The following HTR4 variants were observed in gnomAD, a reference collection of about 807,000 sequenced individuals.
HTR4 encodes the protein 5-hydroxytryptamine (serotonin) receptor 4, G protein-coupled.
A neutral mutation model predicts 36.8 loss-of-function variants in HTR4; 16 were observed. The ratio of observed to expected loss-of-function variants is 0.43; its 90% confidence interval spans 0.29 to 0.66. The LOEUF (loss-of-function observed/expected upper bound fraction) is 0.66. Among genes scored for constraint, HTR4 ranks in the 30% least tolerant of loss-of-function variants. The pLI is 0.13. For missense variants in HTR4, 438 were observed against 490.9 expected (o/e 0.89, Z 1.02); for synonymous variants, 189 against 185.1 (o/e 1.02, Z -0.17).
chr5:148,505,607 T>C (rs2113762771), intron 6 of HTR4, among the ~76,000 whole-genome samples: 1 of 152,332 alleles, frequency 6.6e-6, no homozygotes, highest in South Asian at 2.1e-4. Context: ...ATGACATGAC[T>C]GTATATTTAG....
chr5:148,626,235 C>T (rs549702600), intron 2 of HTR4, among the ~76,000 whole-genome samples: 6 of 152,328 alleles, frequency 3.9e-5, no homozygotes, highest in African/African-American at 1.4e-4. Context: ...TTTTGCAAAA[C>T]TTCTGTCAGT....
intron 2 of HTR4, among the ~76,000 whole-genome samples, chr5:148,584,784 T>C (rs1299759276): frequency 2.0e-5 from 3 of 152,200 alleles, no homozygotes; most frequent in Admixed American, 6.5e-5. Context: ...GACTTGTTTT[T>C]CTGAGTAAAT....
At chr5:148,517,660 T>C (rs1004285291) in intron 5 of HTR4, among the ~76,000 whole-genome samples, 3 of 152,066 alleles carry the variant, frequency 2.0e-5, no homozygotes, top group Admixed American at 1.3e-4. Context: ...ATCCTGTTGG[T>C]TAAATCCTCA....
chr5:148,647,557 A>G (rs1486291956), intron 1 of HTR4, among the ~76,000 whole-genome samples: 4 of 152,110 alleles, frequency 2.6e-5, no homozygotes, highest in Admixed American at 1.3e-4. Context: ...GTGGTTAATA[A>G]GGTGGTTAGG....
At chr5:148,610,612 C>T (rs1297070502) in intron 2 of HTR4, among the ~76,000 whole-genome samples, 1 of 152,124 alleles carries the variant, frequency 6.6e-6, no homozygotes, top group Non-Finnish European at 1.5e-5. Flanking sequence ...CTCTAAAAAT[C>T]AGAGTGCCTC....
intron 5 of HTR4, among the ~76,000 whole-genome samples, chr5:148,455,337 C>G (rs181204936): frequency 3.9e-5 from 6 of 152,088 alleles, no homozygotes; most frequent in Non-Finnish European, 8.8e-5. Context: ...ACACTGAGTT[C>G]GCATGAAAAA....
At chr5:148,623,041 G>A (rs1266049409) in intron 2 of HTR4, among the ~76,000 whole-genome samples, 1 of 152,134 alleles carries the variant, frequency 6.6e-6, no homozygotes, top group African/African-American at 2.4e-5. Flanking sequence ...AGTTGTAAAT[G>A]TGAATGAGAA....
chr5:148,614,867 A>G (rs376964742), intron 2 of HTR4, among the ~76,000 whole-genome samples: 67 of 152,336 alleles, frequency 4.4e-4, no homozygotes, highest in African/African-American at 1.3e-3. Context: ...AAAAGTGGGC[A>G]AAGGACATGA....
At position 148,540,392 on chromosome 5, in the gene HTR4, A is replaced by ATG. The variant is rs756015767; in HGVS notation, c.353+8274_353+8275dup. 4.5e-3 allele frequency among the ~76,000 whole-genome samples: 237 copies of ATG among 52,890 alleles called. 2 individuals carry two copies. Among genetic ancestry groups the ATG allele is most frequent in the Middle Eastern group, 0.025 (3 of 118 alleles). 34.7% of individuals were successfully genotyped at this position (52,890 alleles called of 152,430 possible). On this transcript the variant is annotated intron_variant, in intron 4 of 6. Coordinates refer to ENST00000377888, the MANE Select transcript of HTR4 (RefSeq NM_000870.7). ...AAAATAAAATTTTAGGTTTTATTTT[A>ATG]TGTGTGTGTATATATATATATATAT...
intron 1 of HTR4, among the ~76,000 whole-genome samples, chr5:148,647,467 G>A (rs1753906323): frequency 6.6e-6 from 1 of 152,116 alleles, no homozygotes; most frequent in Admixed American, 6.5e-5. Flanking sequence ...AGATGACCTG[G>A]GCACTGGACA....
chr5:148,467,576 G>A (rs990785479), intron 5 of HTR4, among the ~76,000 whole-genome samples: 6 of 152,118 alleles, frequency 3.9e-5, no homozygotes, highest in African/African-American at 1.4e-4. Context: ...AATGATAAAT[G>A]TGATTAATGT....
At chr5:148,649,879 G>T (rs567133100) in intron 1 of HTR4, among the ~76,000 whole-genome samples, 11 of 152,042 alleles carry the variant, frequency 7.2e-5, no homozygotes, top group African/African-American at 2.7e-4. Flanking sequence ...TTTCATTTTC[G>T]TTCTTTAGGT....
At chr5:148,545,433 G>A (rs1759339568) in intron 4 of HTR4, among the ~76,000 whole-genome samples, 1 of 152,222 alleles carries the variant, frequency 6.6e-6, no homozygotes, top group Admixed American at 6.5e-5. Context: ...TGAGGGCAGG[G>A]ATCTTGCCCT....
intron 1 of HTR4, among the ~76,000 whole-genome samples, chr5:148,637,608 G>C (rs548452869): frequency 6.6e-6 from 1 of 152,194 alleles, no homozygotes; most frequent in East Asian, 1.9e-4. Context: ...TTGAACTCAG[G>C]AATCCAGGAA....
chr5:148,560,601 T>C (rs1760163543), intron 2 of HTR4, among the ~76,000 whole-genome samples: 2 of 152,224 alleles, frequency 1.3e-5, no homozygotes, highest in African/African-American at 4.8e-5. Flanking sequence ...ATTGATGTAC[T>C]GAACACCTAC....
chr5:148,458,085 A>ATATTTTTT, intron 5 of HTR4, among the ~76,000 whole-genome samples: 1 of 50,148 alleles, frequency 2.0e-5, no homozygotes, highest in Admixed American at 1.8e-4. Context: ...AGATCTTAAA[A>ATATTTTTT]TATATTATAT....
intron 5 of HTR4, among the ~76,000 whole-genome samples, chr5:148,453,709 C>T (rs140493644): frequency 6.6e-6 from 1 of 152,216 alleles, no homozygotes; most frequent in Non-Finnish European, 1.5e-5. Flanking sequence ...CTTGAAAATC[C>T]CTATAAGGCT....
chr5:148,467,058 C>T (rs531795100), intron 5 of HTR4, among the ~76,000 whole-genome samples: 14 of 152,256 alleles, frequency 9.2e-5, no homozygotes, highest in Non-Finnish European at 2.1e-4. Flanking sequence ...TGGGTATCTG[C>T]ATGTCATGCT....
chr5:148,466,467 C>T (rs1561562450), intron 5 of HTR4, among the ~76,000 whole-genome samples: 1 of 152,172 alleles, frequency 6.6e-6, no homozygotes, highest in Non-Finnish European at 1.5e-5. Flanking sequence ...AGCACGTTTT[C>T]AGATAAATTA....
Sources: allele counts gnomAD v4.1 joint callset (sites outside exome capture counted in the v4.1 genomes callset), GRCh38; gene constraint gnomAD v4.1.1; transcripts MANE v1.5; gene names NCBI Gene and HGNC (gene_info 2026-07-23, HGNC 2026-07-21).